The following RBM19 variants were observed in gnomAD, a reference collection of about 807,000 sequenced individuals.
RBM19 encodes RNA binding motif protein 19, also known as probable RNA-binding protein 19.
Under a neutral mutation model 116.8 loss-of-function variants are expected in RBM19, and 94 were observed. That is an observed-to-expected ratio of 0.80 (90% CI 0.68 to 0.95). RBM19 has a LOEUF of 0.95. Among genes scored for constraint, RBM19 ranks in the 40% least tolerant of loss-of-function variants. RBM19 has a pLI of 0.00. For synonymous variants in RBM19, 475 were observed against 494.1 expected (o/e 0.96, Z 0.51); for missense variants, 1,161 against 1,220.7 (o/e 0.95, Z 0.73).
chr12:113,961,156 A>C (rs1872465084), intron 2 of RBM19, among the ~76,000 whole-genome samples: 1 of 152,082 alleles, frequency 6.6e-6, no homozygotes, highest in Non-Finnish European at 1.5e-5. Context: ...CTGAATACCT[A>C]GGACTCCAGG....
At chr12:113,946,297 G>T (rs1210718496) in intron 12 of RBM19, 57 bp downstream of exon 12, 2 of 1,612,408 alleles carry the variant, frequency 1.2e-6, no homozygotes, top group East Asian at 4.5e-5. Context: ...GAAAGGGCAG[G>T]GTGAGGGTGG....
Position 113,960,186 on chromosome 12 carries a change from GGAAA to G in RBM19, c.220-12_220-9del, listed in dbSNP as rs1872370852. The G allele has an allele frequency of 1.2e-6, 2 of 1,612,996 alleles. No individual in the cohort carries two copies. The highest frequency in any genetic ancestry group is 1.7e-6 in the Non-Finnish European group (2 of 1,179,902). ...TGACTTGCAGAACTCCACCTGTGTG[GGAAA>G]GAGAGTGATTTTCACACCTGCCATG... On this transcript the variant is annotated splice_polypyrimidine_tract_variant and intron_variant, in intron 2 of 23. Coordinates refer to ENST00000261741, the MANE Select transcript of RBM19 (RefSeq NM_016196.4).
At chr12:113,938,426 TG>T (rs897697587) in intron 15 of RBM19, among the ~76,000 whole-genome samples, 3 of 111,332 alleles carry the variant, frequency 2.7e-5, no homozygotes, top group African/African-American at 9.3e-5. Flanking sequence ...TAAGAATTGC[TG>T]GGGGGCATAT....
chr12:113,907,535 C>G (rs970773954), intron 21 of RBM19, among the ~76,000 whole-genome samples: 3 of 152,236 alleles, frequency 2.0e-5, no homozygotes, highest in Non-Finnish European at 4.4e-5. Flanking sequence ...GTGGGAATAT[C>G]CTGATAGGAA....
chr12:113,901,587 C>T (rs1881696573), intron 21 of RBM19, among the ~76,000 whole-genome samples: 1 of 152,196 alleles, frequency 6.6e-6, no homozygotes, highest in African/African-American at 2.4e-5. Context: ...TGGCTTACTG[C>T]AACCTCCACC....
chr12:113,878,193 C>T (rs1879805617), intron 21 of RBM19, among the ~76,000 whole-genome samples: 2 of 152,128 alleles, frequency 1.3e-5, no homozygotes, highest in African/African-American at 4.8e-5. Context: ...CCACTCCATC[C>T]TTAGGCATCA....
chr12:113,859,419 T>G (rs1878187640), intron 21 of RBM19, among the ~76,000 whole-genome samples: 1 of 152,188 alleles, frequency 6.6e-6, no homozygotes, highest in Non-Finnish European at 1.5e-5. Context: ...ACCTGGGACC[T>G]GGGACATGTA....
chr12:113,851,115 C>T (rs1311991996), intron 22 of RBM19, among the ~76,000 whole-genome samples: 1 of 152,200 alleles, frequency 6.6e-6, no homozygotes, highest in Non-Finnish European at 1.5e-5. Context: ...GTCTGCTAGG[C>T]AGGAGTTTGC....
intron 21 of RBM19, among the ~76,000 whole-genome samples, chr12:113,863,236 T>TGTGTGTGA (rs1555232815): frequency 0.1 from 14,223 of 142,020 alleles, 764 homozygotes; most frequent in Non-Finnish European, 0.13. Context: ...TGTGTGTGTG[T>TGTGTGTGA]GGGGCCAGCG....
chr12:113,887,050 G>C (rs574165962), intron 21 of RBM19, among the ~76,000 whole-genome samples: 192 of 152,078 alleles, frequency 1.3e-3, no homozygotes, highest in African/African-American at 4.6e-3. Context: ...TATTTTGGGG[G>C]AAAAAAATCA....
intron 3 of RBM19, 67 bp from the exon 4 acceptor site, chr12:113,959,970 T>C: frequency 2.5e-6 from 4 of 1,613,526 alleles, no homozygotes; most frequent in Non-Finnish European, 3.4e-6. Flanking sequence ...AGAACTGCAC[T>C]GACCTGGGAG....
At chr12:113,952,953 T>G (rs1028799225) in intron 7 of RBM19, among the ~76,000 whole-genome samples, 2 of 152,240 alleles carry the variant, frequency 1.3e-5, no homozygotes, top group Non-Finnish European at 2.9e-5. Context: ...GTATTAGTTT[T>G]GCAAGTAGCC....
chr12:113,942,772 A>T (rs992543973), intron 13 of RBM19, among the ~76,000 whole-genome samples: 13 of 151,732 alleles, frequency 8.6e-5, no homozygotes, highest in African/African-American at 3.1e-4. Flanking sequence ...CACCACTTCC[A>T]GCTCATTTTT....
intron 8 of RBM19, 38 bp from the exon 9 acceptor site, chr12:113,950,192 CT>C: frequency 2.7e-6 from 4 of 1,505,276 alleles, no homozygotes; most frequent in Non-Finnish European, 3.7e-6. Flanking sequence ...ATCTGCAGGC[CT>C]TGCAGACACT....
At position 113,886,903 on chromosome 12, in the gene RBM19, G is replaced by C. The variant is rs116002925; in HGVS notation, c.2559-28007C>G. Reference sequence around the variant, plus strand: ...TGCAAGCGCAGAGGACTTTAGAGATGAACACCTGTTTCTCAGAGGAATGCA... The same window carrying C: ...TGCAAGCGCAGAGGACTTTAGAGATCAACACCTGTTTCTCAGAGGAATGCA... On this transcript the variant is annotated intron_variant, in intron 21 of 23. Coordinates refer to ENST00000261741, the MANE Select transcript of RBM19 (RefSeq NM_016196.4). Among the ~76,000 whole-genome samples, 453 of 152,266 alleles carry C rather than the reference G, an allele frequency of 3.0e-3. 5 individuals are homozygous for C. Among genetic ancestry groups the C allele is most frequent in the African/African-American group, 0.011 (438 of 41,560 alleles).
intron 21 of RBM19, among the ~76,000 whole-genome samples, chr12:113,873,042 T>G: frequency 8.8e-6 from 1 of 113,196 alleles, no homozygotes; most frequent in Non-Finnish European, 1.9e-5. Context: ...AGCCGCCCCG[T>G]CCGGGAGGGA....
At chr12:113,960,828 G>A (rs1432006745) in intron 2 of RBM19, among the ~76,000 whole-genome samples, 2 of 152,204 alleles carry the variant, frequency 1.3e-5, no homozygotes, top group Non-Finnish European at 2.9e-5. Context: ...GTGACCACTG[G>A]AGGGACGGAA....
At chr12:113,831,410 C>G (rs1205207411) in intron 23 of RBM19, among the ~76,000 whole-genome samples, 1 of 152,162 alleles carries the variant, frequency 6.6e-6, no homozygotes, top group Non-Finnish European at 1.5e-5. Context: ...CCCCCTACCA[C>G]CAGCTACAAC....
At chr12:113,940,303 G>A (rs1870454315) in intron 14 of RBM19, 143 bp from the exon 15 acceptor site, 3 of 814,320 alleles carry the variant, frequency 3.7e-6, no homozygotes, top group Middle Eastern at 3.7e-4. Context: ...AGACCCAGGA[G>A]GAACGACCCT....
Sources: allele counts gnomAD v4.1 joint callset (sites outside exome capture counted in the v4.1 genomes callset), GRCh38; gene constraint gnomAD v4.1.1; transcripts MANE v1.5; gene names NCBI Gene and HGNC (gene_info 2026-07-23, HGNC 2026-07-21).